Variants in TMEM209 observed in about 807,000 individuals in gnomAD.
The protein encoded by TMEM209 is testicular tissue protein Li 202.
Under a neutral mutation model 76.2 loss-of-function variants are expected in TMEM209, and 65 were observed. The observed-to-expected ratio is 0.85, with a 90% CI of 0.70 to 1.05. The LOEUF (loss-of-function observed/expected upper bound fraction) is 1.05, where lower values mean the gene tolerates loss of function less well. TMEM209 is among the 50% of genes least tolerant of loss of function. The pLI, the probability that TMEM209 is intolerant of heterozygous loss-of-function variation, is 0.00. For synonymous variants in TMEM209, 239 were observed against 237.6 expected, an observed-to-expected ratio of 1.01 and a Z score of -0.06; for missense variants, 623 against 685.5, an observed-to-expected ratio of 0.91 and a Z score of 1.02.
chr7:130,196,955 GGT>G (rs1306220961), intron 5 of TMEM209, among the ~76,000 whole-genome samples: 1 of 152,134 alleles, frequency 6.6e-6, no homozygotes, highest in Non-Finnish European at 1.5e-5. Flanking sequence ...GGCCAGGTGT[GGT>G]GGCTCATGCC....
chr7:130,166,483 C>G lies in TMEM209; in HGVS notation c.1654G>C (p.Gly552Arg). The G allele has an allele frequency of 6.5e-7, 1 of 1,542,480 alleles. No individual in the cohort carries two copies. Among genetic ancestry groups the G allele is most frequent in the Non-Finnish European group, 8.7e-7 (1 of 1,143,610 alleles). ...MLGRVNLGLS[G>R]VNILWIFGE Reference sequence around the variant, plus strand: ...CCAAAGATCCACAATATATTCACACCAGATAGACCAAGATTAACTCTCCTA... The same window carrying G: ...CCAAAGATCCACAATATATTCACACGAGATAGACCAAGATTAACTCTCCTA... The change falls in exon 15 of 15, where the codon GGT becomes CGT. Residue 552 changes from glycine (G) to arginine (R), a missense_variant. Transcript: ENST00000397622.
intron 5 of TMEM209, among the ~76,000 whole-genome samples, chr7:130,199,519 C>T (rs139019394): frequency 0.014 from 2,128 of 152,140 alleles, 43 homozygotes; most frequent in African/African-American, 0.048. Context: ...TGCGCCCAGC[C>T]GTCACCTTTA....
At chr7:130,184,797 C>T (rs1185322697) in intron 7 of TMEM209, among the ~76,000 whole-genome samples, 1 of 152,166 alleles carries the variant, frequency 6.6e-6, no homozygotes, top group Non-Finnish European at 1.5e-5. Flanking sequence ...GCCCATTTTT[C>T]TTGCTTTTAA....
intron 9 of TMEM209, among the ~76,000 whole-genome samples, chr7:130,179,700 A>G (rs550920780): frequency 3.3e-5 from 5 of 152,242 alleles, no homozygotes; most frequent in South Asian, 2.1e-4. Flanking sequence ...ATATATCCAG[A>G]TGCATTGGCT....
chr7:130,172,138 C>T (rs1474449483), intron 13 of TMEM209, among the ~76,000 whole-genome samples: 1 of 151,818 alleles, frequency 6.6e-6, no homozygotes, highest in South Asian at 2.1e-4. Context: ...AGCAACACAG[C>T]AAGACTACCT....
chr7:130,188,595 CAAAAAAAAAA>C (rs10649977), intron 6 of TMEM209, among the ~76,000 whole-genome samples: 2 of 72,698 alleles, frequency 2.8e-5, no homozygotes, highest in Non-Finnish European at 2.5e-5. Flanking sequence ...GACTCCGTAT[CAAAAAAAAAA>C]AAAAAAAAAA....
chr7:130,184,863 T>A (rs1339688469), intron 7 of TMEM209, among the ~76,000 whole-genome samples: 1 of 152,234 alleles, frequency 6.6e-6, no homozygotes, highest in Non-Finnish European at 1.5e-5. Flanking sequence ...CTGACAAATA[T>A]TCTAATCCAA....
chr7:130,204,915 C>A (rs772106510), intron 1 of TMEM209: 2 of 1,047,606 alleles, frequency 1.9e-6, no homozygotes, highest in Non-Finnish European at 2.3e-6. Context: ...CAGGGCTCTC[C>A]CTTTTGTGTG....
At chr7:130,187,570 T>C (rs1797644176) in intron 6 of TMEM209, among the ~76,000 whole-genome samples, 1 of 150,960 alleles carries the variant, frequency 6.6e-6, no homozygotes, top group Non-Finnish European at 1.5e-5. Flanking sequence ...AAGGGCCACA[T>C]TCAGAGTAGA....
intron 14 of TMEM209, among the ~76,000 whole-genome samples, chr7:130,169,196 A>C (rs1796975363): frequency 6.8e-6 from 1 of 146,696 alleles, no homozygotes; most frequent in Non-Finnish European, 1.5e-5. Flanking sequence ...CTCCATCTCA[A>C]AAAAAAAAAA....
intron 6 of TMEM209, among the ~76,000 whole-genome samples, chr7:130,188,591 G>A (rs1424110347): frequency 1.1e-5 from 1 of 90,880 alleles, no homozygotes. Context: ...GTGAGACTCC[G>A]TATCAAAAAA....
rs772505344 is a variant in TMEM209, at chr7:130,204,122, C to T, written c.4-12G>A. The stretch of plus-strand genomic sequence containing the variant: ...GCCTCCCCCTGCATCTATGAAAAAA[C>T]AAAAAGCACAGGAATTAACCAGAAG... On this transcript the variant is annotated splice_polypyrimidine_tract_variant and intron_variant, in intron 1 of 14. Transcript: ENST00000397622. 2.5e-6 allele frequency: 4 copies of T among 1,594,954 alleles called. No homozygotes were observed. The highest frequency in any genetic ancestry group is 2.3e-5 in the South Asian group (2 of 87,656).
chr7:130,201,727 A>C (rs1474699603), intron 5 of TMEM209, 123 bp downstream of exon 5: 1 of 1,222,346 alleles, frequency 8.2e-7, no homozygotes, highest in Non-Finnish European at 1.1e-6. Flanking sequence ...CGGTTTTTAA[A>C]TGGGTGTTCT....
intron 5 of TMEM209, among the ~76,000 whole-genome samples, chr7:130,200,343 A>T (rs1006013690): frequency 4.6e-5 from 7 of 152,200 alleles, no homozygotes; most frequent in Non-Finnish European, 8.8e-5. Context: ...TTATTTTTTT[A>T]AAAAATTAAC....
chr7:130,204,189 T>TA, intron 1 of TMEM209, 79 bp from the exon 2 acceptor site: 2 of 1,461,954 alleles, frequency 1.4e-6, no homozygotes, highest in Non-Finnish European at 1.8e-6. Context: ...GCATCCCTTA[T>TA]AAAGGTAACT....
chr7:130,202,475 G>T, intron 4 of TMEM209, 57 bp downstream of exon 4: 1 of 1,551,192 alleles, frequency 6.4e-7, no homozygotes, highest in South Asian at 1.3e-5. Flanking sequence ...AAATTAAACT[G>T]AGAAAGATTT....
Position 130,201,659 on chromosome 7 carries a change from T to C in TMEM209, c.573+191A>G, listed in dbSNP as rs1487404350. Among the ~76,000 whole-genome samples, 6 of 152,346 alleles carry C rather than the reference T, an allele frequency of 3.9e-5. No individual in the cohort carries two copies. In the East Asian group the frequency reaches 1.2e-3, roughly 29 times the overall value. On this transcript the variant is annotated intron_variant, in intron 5 of 14. Transcript: ENST00000397622. ...GCACTAAGTTTGTTATCTCTGTAAA[T>C]GCTAATTTTTTCTCTTTCATTTTAA...
At chr7:130,204,624 G>A (rs975439346) in intron 1 of TMEM209, among the ~76,000 whole-genome samples, 1 of 152,194 alleles carries the variant, frequency 6.6e-6, no homozygotes, top group African/African-American at 2.4e-5. Flanking sequence ...ACAGGCGTGA[G>A]CCACCGCGCC....
chr7:130,168,264 T>A (rs933391475), intron 14 of TMEM209, among the ~76,000 whole-genome samples: 2 of 152,194 alleles, frequency 1.3e-5, no homozygotes, highest in Non-Finnish European at 2.9e-5. Flanking sequence ...TAAGCACCTA[T>A]AATCTGAAAA....
Sources: gnomAD v4.1 joint callset for allele counts (sites outside exome capture counted in the v4.1 genomes callset) on GRCh38, gnomAD v4.1.1 for gene constraint, MANE v1.5 for transcripts, NCBI Gene and HGNC (gene_info 2026-07-23, HGNC 2026-07-21) for gene names.